The following HPSE2 variants were observed in gnomAD, a reference collection of about 807,000 sequenced individuals.
HPSE2 encodes the protein heparanase 2 (inactive).
In HPSE2, 38 loss-of-function variants were observed where a neutral mutation model predicts 60.5. That is an observed-to-expected ratio of 0.63 (90% CI 0.48 to 0.82). HPSE2 has a LOEUF of 0.82. HPSE2 is among the 40% of genes least tolerant of loss of function. The pLI is 0.00. For missense variants in HPSE2, 713 were observed against 740.4 expected, an observed-to-expected ratio of 0.96 and a Z score of 0.43; for synonymous variants, 295 against 293.2, an observed-to-expected ratio of 1.01 and a Z score of -0.06.
At chr10:99,288,426 G>T in the HPSE2 span, among the ~76,000 whole-genome samples, 2 of 152,068 alleles carry the variant, frequency 1.3e-5, no homozygotes, top group African/African-American at 4.8e-5. Flanking sequence ...TAAGCTTTTA[G>T]AATTTAATTA....
chr10:99,299,876 A>T, the HPSE2 span, among the ~76,000 whole-genome samples: 1 of 152,078 alleles, frequency 6.6e-6, no homozygotes, highest in Non-Finnish European at 1.5e-5. Flanking sequence ...CAGAAGAGTG[A>T]GCTCTCCTGG....
At chr10:99,298,078 A>G in the HPSE2 span, among the ~76,000 whole-genome samples, 3 of 152,242 alleles carry the variant, frequency 2.0e-5, no homozygotes, top group African/African-American at 4.8e-5. Context: ...AGCTACCTAC[A>G]GCATTAGCCA....
chr10:99,272,575 C>T, the HPSE2 span, among the ~76,000 whole-genome samples: 7 of 149,538 alleles, frequency 4.7e-5, no homozygotes, highest in Non-Finnish European at 1.0e-4. Context: ...AAACAAATTG[C>T]AAGAAAAAAA....
At chr10:98,863,231 T>A (rs1010483461) in intron 3 of HPSE2, among the ~76,000 whole-genome samples, 4 of 152,082 alleles carry the variant, frequency 2.6e-5, no homozygotes, top group Non-Finnish European at 4.4e-5. Context: ...AAAAGAAAAT[T>A]ACAAAGCATT....
the HPSE2 span, among the ~76,000 whole-genome samples, chr10:99,276,826 CTT>C: frequency 4.6e-5 from 7 of 152,050 alleles, no homozygotes; most frequent in African/African-American, 1.7e-4. Flanking sequence ...CGTGGAGTGA[CTT>C]AGGTACTGGA....
chr10:98,694,945 G>C (rs1356385905), intron 5 of HPSE2, among the ~76,000 whole-genome samples: 1 of 152,174 alleles, frequency 6.6e-6, no homozygotes, highest in Non-Finnish European at 1.5e-5. Context: ...CTTCTTAACT[G>C]AAGAATTCTT....
chr10:98,582,968 C>G (rs945956686), intron 9 of HPSE2, among the ~76,000 whole-genome samples: 2 of 152,120 alleles, frequency 1.3e-5, no homozygotes, highest in African/African-American at 4.8e-5. Context: ...AATCACTTAT[C>G]TACTCTGCAA....
Position 98,721,790 on chromosome 10 carries a change from T to G in HPSE2, c.823A>C (p.Asn275His), listed in dbSNP as rs1405054487. The G allele has an allele frequency of 1.2e-6, 2 of 1,613,536 alleles. No individual in the cohort carries two copies. Among genetic ancestry groups the G allele is most frequent in the Non-Finnish European group, 1.7e-6 (2 of 1,179,820 alleles). Residue 275 changes from asparagine (N) to histidine (H), a missense_variant, in exon 5 of 12, where the codon AAT becomes CAT. Asn to His is a moderately conservative substitution (Grantham distance 68). Coordinates refer to ENST00000370552, the MANE Select transcript of HPSE2 (RefSeq NM_021828.5). ...TAATCCTTTCCCAACTGGCTGCCAT[T>G]TACTGCCCGGCCATGCATGGTCCGA... ...NYRTMHGRAVNGSQLGKDYIQ... is the reference protein window; with the variant it reads ...NYRTMHGRAVHGSQLGKDYIQ...
chr10:98,490,549 T>G (rs764274687), intron 9 of HPSE2, among the ~76,000 whole-genome samples: 1 of 152,220 alleles, frequency 6.6e-6, no homozygotes, highest in Non-Finnish European at 1.5e-5. Context: ...TTCCTATGAC[T>G]TTACTTTTAT....
chr10:98,536,178 C>T (rs936672656), intron 9 of HPSE2, among the ~76,000 whole-genome samples: 5 of 152,240 alleles, frequency 3.3e-5, no homozygotes, highest in African/African-American at 1.2e-4. Flanking sequence ...CCATCAACCT[C>T]AGCTTTGGGG....
the HPSE2 span, among the ~76,000 whole-genome samples, chr10:99,245,914 G>A: frequency 3.9e-5 from 6 of 152,170 alleles, no homozygotes; most frequent in African/African-American, 1.4e-4. Flanking sequence ...TAGGTAAAAT[G>A]AGGACAACTG....
intron 2 of HPSE2, among the ~76,000 whole-genome samples, chr10:99,204,126 G>A (rs1848665263): frequency 6.6e-6 from 1 of 152,136 alleles, no homozygotes; most frequent in Non-Finnish European, 1.5e-5. Context: ...CCAGTGCCAG[G>A]TCCCCTACAT....
chr10:98,964,800 C>T (rs918503607), intron 3 of HPSE2, among the ~76,000 whole-genome samples: 7 of 152,102 alleles, frequency 4.6e-5, no homozygotes, highest in African/African-American at 1.7e-4. Flanking sequence ...TTTAATTATA[C>T]GTCTTGTTAT....
intron 9 of HPSE2, among the ~76,000 whole-genome samples, chr10:98,547,652 T>C: frequency 1.0e-5 from 1 of 97,408 alleles, no homozygotes; most frequent in African/African-American, 3.8e-5. Context: ...CTGGGGACTG[T>C]TGTGGGGTGG....
At chr10:99,254,251 A>G in the HPSE2 span, among the ~76,000 whole-genome samples, 2 of 152,152 alleles carry the variant, frequency 1.3e-5, no homozygotes, top group African/African-American at 4.8e-5. Flanking sequence ...ACAAAATCAC[A>G]TCCATTGAAA....
At chr10:99,142,579 G>A (rs550712640) in intron 3 of HPSE2, among the ~76,000 whole-genome samples, 46 of 152,320 alleles carry the variant, frequency 3.0e-4, no homozygotes, top group African/African-American at 1.1e-3. Flanking sequence ...AAGCAGCTTA[G>A]GAGAAGTGAG....
intron 6 of HPSE2, among the ~76,000 whole-genome samples, chr10:98,667,183 T>C (rs1386285508): frequency 6.6e-6 from 1 of 152,034 alleles, no homozygotes; most frequent in Non-Finnish European, 1.5e-5. Context: ...CTAGAGGAAA[T>C]GGATAAATTC....
At chr10:99,135,426 C>T (rs1338813246) in intron 3 of HPSE2, among the ~76,000 whole-genome samples, 1 of 152,228 alleles carries the variant, frequency 6.6e-6, no homozygotes, top group Non-Finnish European at 1.5e-5. Context: ...CACCACATCA[C>T]ACTTATTCTA....
intron 3 of HPSE2, among the ~76,000 whole-genome samples, chr10:99,106,422 C>T (rs1453490306): frequency 6.6e-6 from 1 of 151,942 alleles, no homozygotes; most frequent in Non-Finnish European, 1.5e-5. Flanking sequence ...TTTTCTGCAT[C>T]TTTGAGATGA....
Sources: gnomAD v4.1 joint callset for allele counts (sites outside exome capture counted in the v4.1 genomes callset) on GRCh38, gnomAD v4.1.1 for gene constraint, MANE v1.5 for transcripts, NCBI Gene and HGNC (gene_info 2026-07-23, HGNC 2026-07-21) for gene names.